MLLT10: variants seen among roughly 807,000 people sequenced by gnomAD.
MLLT10 encodes MLLT10 histone lysine methyltransferase DOT1L cofactor.
A neutral mutation model predicts 129.1 loss-of-function variants in MLLT10; 30 were observed. That is an observed-to-expected ratio of 0.23 (90% CI 0.17 to 0.32). The LOEUF is 0.32. MLLT10 is among the 10% of genes least tolerant of loss of function. MLLT10 has a pLI of 1.00. For synonymous variants in MLLT10, 490 were observed against 446.4 expected (o/e 1.10, Z -1.23); for missense variants, 1,119 against 1,268.3 (o/e 0.88, Z 1.79).
rs2042932353 is a variant in MLLT10 at position 21,595,246 on chromosome 10, A to G, written c.296-85A>G. On this transcript the variant is annotated intron_variant, in intron 4 of 22. Coordinates refer to ENST00000307729, the MANE Select transcript of MLLT10 (RefSeq NM_001195626.3). ...TTGTTGTGCATTTATTTCAATAGAC[A>G]TTTAAGGGATCTGTTAAGGAAGTTA... is the stretch of plus-strand genomic sequence containing the variant. The G allele has an allele frequency of 6.5e-6, 6 of 929,956 alleles. No homozygotes were observed. In the Admixed American group the frequency reaches 1.1e-4, roughly 17 times the overall value. 57.6% of individuals were successfully genotyped at this position (929,956 alleles called of 1,614,324 possible).
intron 18 of MLLT10, 75 bp from the exon 19 acceptor site, chr10:21,733,429 T>A: frequency 1.0e-6 from 1 of 953,814 alleles, no homozygotes; most frequent in Non-Finnish European, 1.5e-6. Context: ...ATAAGCTTTT[T>A]AATAAGCCTT....
intron 8 of MLLT10, among the ~76,000 whole-genome samples, chr10:21,635,250 T>TA (rs2047350261): frequency 6.6e-6 from 1 of 152,162 alleles, no homozygotes; most frequent in South Asian, 2.1e-4. Flanking sequence ...TGAATGCTGT[T>TA]ACCATGTGGG....
intron 13 of MLLT10, among the ~76,000 whole-genome samples, chr10:21,682,802 T>C (rs914000067): frequency 3.3e-5 from 5 of 152,224 alleles, no homozygotes; most frequent in African/African-American, 1.2e-4. Context: ...AGGCAAATAC[T>C]ATCTTTGTAA....
chr10:21,628,513 C>G (rs922256024), intron 8 of MLLT10, among the ~76,000 whole-genome samples: 2 of 144,306 alleles, frequency 1.4e-5, no homozygotes, highest in Non-Finnish European at 3.0e-5. Flanking sequence ...TTGGCTCAGA[C>G]TCACTACAAT....
chr10:21,592,058 A>T (rs1353334505), intron 4 of MLLT10, among the ~76,000 whole-genome samples: 1 of 152,124 alleles, frequency 6.6e-6, no homozygotes, highest in African/African-American at 2.4e-5. Context: ...GAATGAAACC[A>T]TATAGACTTC....
chr10:21,688,655 T>A (rs2053530707), intron 13 of MLLT10: 1 of 703,598 alleles, frequency 1.4e-6, no homozygotes, highest in Non-Finnish European at 2.3e-6. Context: ...AAAAAAAAAA[T>A]GATGCCTGAA....
intron 9 of MLLT10, among the ~76,000 whole-genome samples, chr10:21,666,788 C>T (rs903618327): frequency 7.9e-5 from 12 of 152,106 alleles, no homozygotes; most frequent in South Asian, 2.1e-4. Context: ...CAGTCAACTG[C>T]GGTCTGAAAA....
At chr10:21,709,625 T>C (rs1026247639) in intron 13 of MLLT10, among the ~76,000 whole-genome samples, 1 of 152,262 alleles carries the variant, frequency 6.6e-6, no homozygotes, top group African/African-American at 2.4e-5. Flanking sequence ...CCTTTAAAAA[T>C]GCATATCTTT....
Position 21,549,723 on chromosome 10 carries a change from C to T in MLLT10, c.240+10811C>T, listed in dbSNP as rs115201750. ...GTTGCCCAGGCTGGAATGCAGTGGC[C>T]GCGATCCTCTACTTCCCGGGTTCTC... On this transcript the variant is annotated intron_variant, in intron 3 of 22. Transcript: ENST00000307729. 1.0e-2 allele frequency among the ~76,000 whole-genome samples: 1,495 copies of T among 149,666 alleles called. 19 individuals are homozygous for T. The highest frequency in any genetic ancestry group is 0.031 in the African/African-American group (1,245 of 40,462).
rs567635460 is a variant in MLLT10, at chr10:21,741,138, T to C, written c.3163-801T>C. On this transcript the variant is annotated intron_variant, in intron 22 of 22. Coordinates refer to ENST00000307729, the MANE Select transcript of MLLT10 (RefSeq NM_001195626.3). Reference sequence around the variant, plus strand: ...ATTCAAAATAGAGGATTGTTTTTCATGAACTCTTCAGTGCTTTCTGTCTGC... The same window carrying C: ...ATTCAAAATAGAGGATTGTTTTTCACGAACTCTTCAGTGCTTTCTGTCTGC... 5.9e-5 allele frequency among the ~76,000 whole-genome samples: 9 copies of C among 152,370 alleles called. No individual in the cohort carries two copies. The South Asian group carries it at 1.9e-3, about 32-fold the overall frequency.
intron 9 of MLLT10, among the ~76,000 whole-genome samples, chr10:21,652,486 G>A (rs2049142242): frequency 6.6e-6 from 1 of 152,182 alleles, no homozygotes; most frequent in South Asian, 2.1e-4. Flanking sequence ...AAAGCAATTA[G>A]AACAGTATTT....
At chr10:21,708,784 C>T (rs2055788806) in intron 13 of MLLT10, 1 of 973,446 alleles carries the variant, frequency 1.0e-6, no homozygotes, top group Non-Finnish European at 1.2e-6. Context: ...ATGGTAATTG[C>T]AACTTTCAAA....
At position 21,681,362 on chromosome 10, in the gene MLLT10, C is replaced by A; in HGVS notation, c.1652C>A (p.Ala551Asp). 1 of 1,611,932 alleles carries A rather than the reference C, an allele frequency of 6.2e-7. No homozygotes were observed. The highest frequency in any genetic ancestry group is 1.3e-5 in the African/African-American group (1 of 74,876). ...EISMQYRHDG[A>D]CPTTTFSELL... ...TCCATGCAGTATCGGCATGATGGAGCTTGCCCAACAACTAGTAAGTTGTCA... is the reference window on the plus strand; with the variant it reads ...TCCATGCAGTATCGGCATGATGGAGATTGCCCAACAACTAGTAAGTTGTCA... The change falls in exon 12 of 23, where the codon GCT becomes GAT. Residue 551 changes from alanine (A) to aspartate (D), a missense_variant. Ala to Asp is a moderately radical substitution (Grantham distance 126). Around this residue, in one of 5 missense-constraint regions of MLLT10, gnomAD observed 1,004 missense variants for 1,008.7 expected, o/e 1.00. Transcript: ENST00000307729.
At chr10:21,600,060 G>A (rs2043375011) in intron 5 of MLLT10, among the ~76,000 whole-genome samples, 1 of 152,070 alleles carries the variant, frequency 6.6e-6, no homozygotes. Context: ...AATAATCTAT[G>A]TTTTCCATAG....
At chr10:21,676,846 G>A (rs1195533552) in intron 11 of MLLT10, among the ~76,000 whole-genome samples, 3 of 143,006 alleles carry the variant, frequency 2.1e-5, no homozygotes, top group Non-Finnish European at 3.0e-5. Flanking sequence ...TTAGTTTTAT[G>A]TATGTTAATA....
At chr10:21,640,270 T>C (rs1240938096) in intron 8 of MLLT10, among the ~76,000 whole-genome samples, 6 of 144,352 alleles carry the variant, frequency 4.2e-5, no homozygotes, top group Admixed American at 2.9e-4. Context: ...ATATATATTA[T>C]ATTGTATTAT....
chr10:21,576,462 G>A (rs949591786), intron 3 of MLLT10, among the ~76,000 whole-genome samples: 18 of 148,998 alleles, frequency 1.2e-4, no homozygotes, highest in East Asian at 2.1e-4. Context: ...GGCTGGTCTC[G>A]ATCTCCTACC....
intron 3 of MLLT10, among the ~76,000 whole-genome samples, chr10:21,577,099 C>G (rs2040849717): frequency 6.6e-6 from 1 of 152,202 alleles, no homozygotes; most frequent in South Asian, 2.1e-4. Flanking sequence ...CTATTTGGGA[C>G]ATTTCATATA....
At chr10:21,584,862 G>A (rs2041850903) in intron 3 of MLLT10, among the ~76,000 whole-genome samples, 1 of 151,206 alleles carries the variant, frequency 6.6e-6, no homozygotes, top group Non-Finnish European at 1.5e-5. Context: ...ACGTATGTGT[G>A]TATGTACGTG....
Sources: allele counts gnomAD v4.1 joint callset (sites outside exome capture counted in the v4.1 genomes callset), GRCh38; gene constraint gnomAD v4.1.1; regional missense constraint gnomAD v4.1.1; transcripts MANE v1.5; gene names NCBI Gene and HGNC (gene_info 2026-07-23, HGNC 2026-07-21).